Variants in PRUNE1 observed in about 807,000 individuals in gnomAD.
PRUNE1 encodes the protein prune exopolyphosphatase 1.
Under a neutral mutation model 42.5 loss-of-function variants are expected in PRUNE1, and 25 were observed. The ratio of observed to expected loss-of-function variants is 0.59; its 90% CI spans 0.43 to 0.82. The LOEUF (loss-of-function observed/expected upper bound fraction) is 0.82, where lower values mean the gene tolerates loss of function less well. Ranked by LOEUF, PRUNE1 falls within the 40% of genes least tolerant of loss-of-function variation. The probability of loss-of-function intolerance (pLI) is 0.00; values close to 1 mark genes in which losing one functional copy is unlikely to be tolerated. For missense variants in PRUNE1, 443 were observed against 539.3 expected (o/e 0.82, Z 1.77); for synonymous variants, 203 against 217.1 (o/e 0.93, Z 0.57).
At position 151,018,468 on chromosome 1, in the gene PRUNE1, C is replaced by T; in HGVS notation, c.134C>T (p.Thr45Ile). The T allele has an allele frequency of 6.2e-7, 1 of 1,608,860 alleles. No homozygotes were observed. Among genetic ancestry groups the T allele is most frequent in the Non-Finnish European group, 8.5e-7 (1 of 1,175,450 alleles). ...ALALAFYLAKTTEAEEVFVPV... is the reference protein window; with the variant it reads ...ALALAFYLAKITEAEEVFVPV... Reference sequence around the variant, plus strand: ...CCTTCTTTTCACTTTCCTATCTAGACAACTGAGGCTGAGGAAGTCTTTGTG... The same window carrying T: ...CCTTCTTTTCACTTTCCTATCTAGATAACTGAGGCTGAGGAAGTCTTTGTG... Residue 45 changes from threonine to isoleucine, a missense_variant and splice_region_variant, in exon 3 of 8, where the codon ACA (threonine) becomes ATA (isoleucine). Transcript: ENST00000271620.
At chr1:151,030,796 G>A (rs1346095036) in intron 7 of PRUNE1, among the ~76,000 whole-genome samples, 5 of 152,182 alleles carry the variant, frequency 3.3e-5, no homozygotes, top group African/African-American at 1.2e-4. Context: ...AAGAACTGCA[G>A]TTTTTAAAGT....
rs587614723 is a variant in PRUNE1 at position 151,008,890 on chromosome 1, C to G, written c.39+219C>G. 14 of 697,176 alleles carry G rather than the reference C, an allele frequency of 2.0e-5. No homozygotes were observed. The South Asian group carries it at 2.1e-4, about 10-fold the overall frequency. The allele number at this position is 697,176 out of a possible 1,614,324, so 43.2% of individuals were successfully genotyped here. On this transcript the variant is annotated intron_variant, in intron 1 of 7. Coordinates refer to ENST00000271620, the MANE Select transcript of PRUNE1 (RefSeq NM_021222.3). ...GCTTGTTCAGTCTCCCGGTTTTTGG[C>G]TCCCCGCCTTTGGGGTCCGCCTGAG...
chr1:151,027,877 A>C (rs1237987468), intron 6 of PRUNE1, among the ~76,000 whole-genome samples: 1 of 151,868 alleles, frequency 6.6e-6, no homozygotes, highest in Non-Finnish European at 1.5e-5. Context: ...TTGGCCTCCG[A>C]AGTTCTGGGA....
At chr1:151,012,317 G>A (rs1468030799) in intron 1 of PRUNE1, among the ~76,000 whole-genome samples, 1 of 152,158 alleles carries the variant, frequency 6.6e-6, no homozygotes, top group African/African-American at 2.4e-5. Context: ...AAATAAAGAA[G>A]AGAATGATGT....
chr1:151,020,854 C>T (rs1270931057), intron 3 of PRUNE1, among the ~76,000 whole-genome samples: 4 of 151,628 alleles, frequency 2.6e-5, no homozygotes, highest in East Asian at 3.9e-4. Flanking sequence ...TGGTGGCGGA[C>T]GCCGATAGTC....
intron 1 of PRUNE1, chr1:151,008,972 T>C: frequency 1.8e-6 from 1 of 557,956 alleles, no homozygotes; most frequent in Non-Finnish European, 3.4e-6. Flanking sequence ...TGCTGTCATC[T>C]TGGTCAGTTC....
intron 4 of PRUNE1, 151 bp downstream of exon 4, chr1:151,024,946 G>C (rs1674731489): frequency 1.1e-6 from 1 of 870,902 alleles, no homozygotes; most frequent in Non-Finnish European, 1.7e-6. Flanking sequence ...GGGGACAATT[G>C]AGCATGTGTT....
chr1:151,033,997 A>G lies in PRUNE1; in HGVS notation c.1125A>G (p.Thr375=). The change falls in exon 8 of 8, where the codon ACA becomes ACG. Residue 375 remains threonine (T), a synonymous_variant. Coordinates refer to ENST00000271620, the MANE Select transcript of PRUNE1 (RefSeq NM_021222.3). ...SMKIPSGQPE[T]ADVSREQVDK... The stretch of plus-strand genomic sequence containing the variant: ...AGATCCCTTCAGGACAGCCTGAGAC[A>G]GCAGATGTGTCCAGGGAGCAAGTGG... The G allele has an allele frequency of 6.2e-7, 1 of 1,614,122 alleles. No individual in the cohort carries two copies. Among genetic ancestry groups the G allele is most frequent in the Non-Finnish European group, 8.5e-7 (1 of 1,179,950 alleles).
Position 151,034,548 on chromosome 1 carries a change from C to A in PRUNE1, c.*314C>A, listed in dbSNP as rs1675444863. Reference sequence around the variant, plus strand: ...CAGTGGGACAAAAAGAATTTAGACCCCAAAAGTGTCCTCGGCATGGATCTT... The same window carrying A: ...CAGTGGGACAAAAAGAATTTAGACCACAAAAGTGTCCTCGGCATGGATCTT... On this transcript the variant is annotated 3_prime_UTR_variant, in exon 8 of 8. Coordinates refer to ENST00000271620, the MANE Select transcript of PRUNE1 (RefSeq NM_021222.3). 3.2e-6 allele frequency: 1 copy of A among 314,146 alleles called. No homozygotes were observed. Among genetic ancestry groups the A allele is most frequent in the Non-Finnish European group, 6.0e-6 (1 of 166,666 alleles). The allele number at this position is 314,146 out of a possible 1,614,324, so 19.5% of individuals were successfully genotyped here.
Position 151,017,809 on chromosome 1 carries a change from C to T in PRUNE1, c.40-3C>T. 7.0e-6 allele frequency: 11 copies of T among 1,564,374 alleles called. No homozygotes were observed. The highest frequency in any genetic ancestry group is 9.7e-6 in the Non-Finnish European group (11 of 1,137,204). On this transcript the variant is annotated splice_polypyrimidine_tract_variant and splice_region_variant and intron_variant, in intron 1 of 7. Transcript: ENST00000271620. ...TTAGTTTCCCATTTTCCTTTCTCTC[C>T]AGGAGTCCCGACCTCTACATGTTGT... is the stretch of plus-strand genomic sequence containing the variant.
At chr1:151,013,515 G>A (rs984475655) in intron 1 of PRUNE1, among the ~76,000 whole-genome samples, 15 of 152,102 alleles carry the variant, frequency 9.9e-5, no homozygotes, top group African/African-American at 3.6e-4. Flanking sequence ...TCTCTTCATG[G>A]TAAGGATCTA....
At chr1:151,030,578 C>T (rs1480619004) in intron 7 of PRUNE1, among the ~76,000 whole-genome samples, 1 of 152,084 alleles carries the variant, frequency 6.6e-6, no homozygotes, top group Non-Finnish European at 1.5e-5. Flanking sequence ...GCAACCGCCA[C>T]CTCCCAGGTT....
At chr1:151,025,854 C>T (rs1322955133) in intron 5 of PRUNE1, among the ~76,000 whole-genome samples, 181 bp downstream of exon 5, 1 of 151,832 alleles carries the variant, frequency 6.6e-6, no homozygotes, top group Non-Finnish European at 1.5e-5. Context: ...GATTCTCCTG[C>T]CTCAGCCTCC....
chr1:151,010,275 G>A (rs889492097), intron 1 of PRUNE1, among the ~76,000 whole-genome samples: 1 of 151,974 alleles, frequency 6.6e-6, no homozygotes, highest in Admixed American at 6.6e-5. Flanking sequence ...ATAGAGACAG[G>A]GTCTCGCCAT....
At chr1:151,032,051 C>G (rs1675272017) in intron 7 of PRUNE1, among the ~76,000 whole-genome samples, 1 of 152,074 alleles carries the variant, frequency 6.6e-6, no homozygotes, top group African/African-American at 2.4e-5. Context: ...TTGAGACCAG[C>G]CTGGCCAATA....
intron 7 of PRUNE1, among the ~76,000 whole-genome samples, chr1:151,032,788 A>C (rs1675315015): frequency 6.6e-6 from 1 of 151,320 alleles, no homozygotes. Flanking sequence ...TGGACAACTT[A>C]CTTTTTTTCT....
At chr1:151,032,589 C>G (rs1029109901) in intron 7 of PRUNE1, among the ~76,000 whole-genome samples, 2 of 151,738 alleles carry the variant, frequency 1.3e-5, no homozygotes, top group Non-Finnish European at 2.9e-5. Flanking sequence ...TGACACATGC[C>G]TGTAGTCCCA....
At chr1:151,022,587 A>AT (rs879545213) in intron 3 of PRUNE1, among the ~76,000 whole-genome samples, 98 of 145,672 alleles carry the variant, frequency 6.7e-4, no homozygotes, top group Middle Eastern at 4.2e-3. Flanking sequence ...CACCTGGCTA[A>AT]TTTTTGTATT....
chr1:151,022,526 C>G (rs1416011289), intron 3 of PRUNE1, among the ~76,000 whole-genome samples: 1 of 151,710 alleles, frequency 6.6e-6, no homozygotes, highest in African/African-American at 2.4e-5. Context: ...TCACGCCATT[C>G]TCCTGCCTCA....
Sources: gnomAD v4.1 joint callset for allele counts (sites outside exome capture counted in the v4.1 genomes callset) on GRCh38, gnomAD v4.1.1 for gene constraint, MANE v1.5 for transcripts, NCBI Gene and HGNC (gene_info 2026-07-23, HGNC 2026-07-21) for gene names.